HEPACAM2: variants seen among roughly 807,000 people sequenced by gnomAD.
HEPACAM2 encodes mitotic kinetics regulator.
Under a neutral mutation model 49.6 loss-of-function variants are expected in HEPACAM2, and 49 were observed. That is an observed-to-expected ratio of 0.99 (90% confidence interval 0.78 to 1.25). The LOEUF is 1.25. HEPACAM2 is among the 50% of genes most tolerant of loss of function. HEPACAM2 has a pLI of 0.00. For synonymous variants in HEPACAM2, 197 were observed against 202.9 expected, an observed-to-expected ratio of 0.97 and a Z score of 0.25; for missense variants, 525 against 557.2, an observed-to-expected ratio of 0.94 and a Z score of 0.58.
chr7:93,194,921 C>CTTTTTTTTTTTTTTTTT (rs80158728), intron 8 of HEPACAM2, among the ~76,000 whole-genome samples: 3 of 118,176 alleles, frequency 2.5e-5, no homozygotes, highest in African/African-American at 6.8e-5. Context: ...TTTAAAAGAT[C>CTTTTTTTTTTTTTTTTT]TTTTTTTTTT....
chr7:93,221,466 T>G (rs982577714), intron 1 of HEPACAM2, among the ~76,000 whole-genome samples: 4 of 152,170 alleles, frequency 2.6e-5, no homozygotes, highest in Non-Finnish European at 4.4e-5. Flanking sequence ...TTGGAAAAAC[T>G]CAAAGATGTA....
Position 93,189,253 on chromosome 7 carries a change from T to C in HEPACAM2, c.*14A>G, listed in dbSNP as rs1242589931. The C allele has an allele frequency of 6.3e-7, 1 of 1,595,790 alleles. No individual in the cohort carries two copies. Among genetic ancestry groups the C allele is most frequent in the Non-Finnish European group, 8.6e-7 (1 of 1,167,092 alleles). ...CAGAATTTCACTCGAATGTACTGTT[T>C]AGCCCATGAAAGTTCACCTAGTGAA... On this transcript the variant is annotated 3_prime_UTR_variant, in exon 10 of 10. Transcript: ENST00000394468.
In HEPACAM2 at chr7:93,219,272, A is replaced by T. The variant is rs777968754; in HGVS notation, c.259T>A (p.Ser87Thr). 3.9e-5 allele frequency: 63 copies of T among 1,613,814 alleles called. 4 individuals are homozygous for T. The South Asian group carries it at 6.7e-4, about 17-fold the overall frequency. The change falls in exon 2 of 10, where the codon TCT becomes ACT. Residue 87 changes from serine (S) to threonine (T), a missense_variant. Ser to Thr is a moderately conservative substitution (Grantham distance 58). Transcript: ENST00000394468. Reference protein sequence around the residue: ...PKYLLGSVNKSVVPDLEYQHK... With the variant: ...PKYLLGSVNKTVVPDLEYQHK... ...TGGTATTCCAAGTCAGGAACCACAG[A>T]CTTATTCACAGAGCCCAGTAAGTAT...
chr7:93,232,154 G>GT, the HEPACAM2 span, among the ~76,000 whole-genome samples: 1 of 152,180 alleles, frequency 6.6e-6, no homozygotes, highest in Admixed American at 6.5e-5. Flanking sequence ...CTACTGCCTA[G>GT]TGCAAGCACC....
chr7:93,214,890 A>G (rs534524727), intron 3 of HEPACAM2, among the ~76,000 whole-genome samples: 1 of 152,186 alleles, frequency 6.6e-6, no homozygotes, highest in South Asian at 2.1e-4. Flanking sequence ...GGACTTTTTC[A>G]TTTAAACCTA....
intron 4 of HEPACAM2, 152 bp downstream of exon 4, chr7:93,208,428 A>G (rs1213103594): frequency 3.1e-6 from 2 of 643,880 alleles, no homozygotes; most frequent in African/African-American, 1.9e-5. Flanking sequence ...CATAGAAACC[A>G]TGGCTTAGTT....
chr7:93,213,301 C>T (rs1794223299), intron 3 of HEPACAM2, among the ~76,000 whole-genome samples: 1 of 151,908 alleles, frequency 6.6e-6, no homozygotes, highest in Non-Finnish European at 1.5e-5. Flanking sequence ...TGTATTCCAC[C>T]AAGGCCAATA....
intron 4 of HEPACAM2, among the ~76,000 whole-genome samples, chr7:93,198,297 G>C (rs780738914): frequency 3.3e-5 from 5 of 151,824 alleles, no homozygotes; most frequent in Non-Finnish European, 7.4e-5. Flanking sequence ...CTGTTCTAAG[G>C]GTGCATGATA....
chr7:93,224,401 G>A (rs1053196501), intron 1 of HEPACAM2, among the ~76,000 whole-genome samples: 2 of 152,018 alleles, frequency 1.3e-5, no homozygotes, highest in Non-Finnish European at 2.9e-5. Flanking sequence ...ATTACTTTCT[G>A]AGTATAACAA....
intron 2 of HEPACAM2, 103 bp downstream of exon 2, chr7:93,218,998 A>C (rs960757524): frequency 2.2e-6 from 2 of 911,566 alleles, no homozygotes; most frequent in East Asian, 4.9e-5. Flanking sequence ...TGATTTGTGC[A>C]AAGTTGTGAA....
intron 3 of HEPACAM2, among the ~76,000 whole-genome samples, chr7:93,212,144 T>C (rs1183074146): frequency 6.6e-6 from 1 of 152,008 alleles, no homozygotes; most frequent in Non-Finnish European, 1.5e-5. Flanking sequence ...CCATAGTCAT[T>C]TAGAGCCAAG....
chr7:93,225,708 C>T (rs989197358), intron 1 of HEPACAM2, among the ~76,000 whole-genome samples: 1 of 152,050 alleles, frequency 6.6e-6, no homozygotes, highest in Non-Finnish European at 1.5e-5. Flanking sequence ...AAAGAGACTC[C>T]TTTAAACTCA....
Position 93,226,404 on chromosome 7 carries a change from C to A in HEPACAM2, c.43G>T (p.Gly15Trp). The A allele has an allele frequency of 6.2e-7, 1 of 1,613,492 alleles. No individual in the cohort carries two copies. The highest frequency in any genetic ancestry group is 1.6e-4 in the Middle Eastern group (1 of 6,062). The change falls in exon 1 of 10, where the codon GGG (glycine) becomes TGG (tryptophan). Residue 15 changes from glycine (G) to tryptophan (W), a missense_variant. By Grantham distance (184) the Gly-to-Trp change is radical. Transcript: ENST00000394468. ...AFMEPFGDTL[G>W]VFQCKIYLLL... is the part of the protein sequence containing the mutation. ...AGGTATATTTTGCACTGAAAGACCCCAAGTGTGTCACCGAAGGGCTCCATG... is the reference window on the plus strand; with the variant it reads ...AGGTATATTTTGCACTGAAAGACCCAAAGTGTGTCACCGAAGGGCTCCATG...
Position 93,219,096 on chromosome 7 carries a change from C to T in HEPACAM2, c.430+5G>A. ...GCTGCCCTCGTACACTCACAGGGGA[C>T]TCACCATCAACCGTGACTTGTATCT... On this transcript the variant is annotated splice_donor_5th_base_variant and intron_variant, in intron 2 of 9. Transcript: ENST00000394468. The T allele has an allele frequency of 6.2e-7, 1 of 1,611,976 alleles. No individual in the cohort carries two copies. The highest frequency in any genetic ancestry group is 8.5e-7 in the Non-Finnish European group (1 of 1,178,502).
At chr7:93,224,282 C>A in intron 1 of HEPACAM2, among the ~76,000 whole-genome samples, 1 of 151,482 alleles carries the variant, frequency 6.6e-6, no homozygotes. Context: ...AATACAAAAA[C>A]AAAAATAATA....
intron 8 of HEPACAM2, 93 bp from the exon 9 acceptor site, chr7:93,192,456 G>T: frequency 1.2e-6 from 1 of 851,810 alleles, no homozygotes; most frequent in Non-Finnish European, 1.9e-6. Context: ...TGGCAGTAGT[G>T]ATGATTAGAG....
At chr7:93,192,851 G>T (rs1793591482) in intron 8 of HEPACAM2, among the ~76,000 whole-genome samples, 1 of 152,008 alleles carries the variant, frequency 6.6e-6, no homozygotes, top group South Asian at 2.1e-4. Flanking sequence ...AAGGAATGTG[G>T]AACACTCAAA....
intron 8 of HEPACAM2, 126 bp downstream of exon 8, chr7:93,195,702 T>C: frequency 1.4e-6 from 1 of 719,652 alleles, no homozygotes; most frequent in Non-Finnish European, 2.4e-6. Flanking sequence ...AAGTCAACAC[T>C]GCTTAATGCA....
At chr7:93,210,891 G>T (rs1794162991) in intron 3 of HEPACAM2, among the ~76,000 whole-genome samples, 1 of 151,932 alleles carries the variant, frequency 6.6e-6, no homozygotes, top group South Asian at 2.1e-4. Flanking sequence ...TAAAAAGACA[G>T]GTTAGAGGAC....
Sources: allele counts gnomAD v4.1 joint callset (sites outside exome capture counted in the v4.1 genomes callset), GRCh38; gene constraint gnomAD v4.1.1; transcripts MANE v1.5; gene names NCBI Gene and HGNC (gene_info 2026-07-23, HGNC 2026-07-21).